The following DACH1 variants were observed in gnomAD, a reference collection of about 807,000 sequenced individuals.
The protein encoded by DACH1 is dachshund family transcription factor 1, also known as dachshund homolog 1.
Under a neutral mutation model 54.2 loss-of-function variants are expected in DACH1, and 12 were observed. The observed-to-expected ratio is 0.22, with a 90% confidence interval of 0.14 to 0.36. The LOEUF is 0.36. Ranked by LOEUF, DACH1 falls within the 10% of genes least tolerant of loss-of-function variation. The pLI is 1.00. For synonymous variants in DACH1, 386 were observed against 366.2 expected (o/e 1.05, Z -0.62); for missense variants, 805 against 929.8 (o/e 0.87, Z 1.75).
intron 1 of DACH1, among the ~76,000 whole-genome samples, chr13:71,778,959 G>C (rs1467345095): frequency 6.6e-6 from 1 of 151,552 alleles, no homozygotes; most frequent in Non-Finnish European, 1.5e-5. Flanking sequence ...AAAGAAAGTT[G>C]CTCCCCTTTT....
At chr13:71,759,423 C>T (rs533173483) in intron 1 of DACH1, among the ~76,000 whole-genome samples, 2 of 152,156 alleles carry the variant, frequency 1.3e-5, no homozygotes, top group Non-Finnish European at 2.9e-5. Flanking sequence ...ATTTTCAAAA[C>T]AAAACATTAG....
At chr13:71,568,246 A>G (rs189167915) in intron 4 of DACH1, among the ~76,000 whole-genome samples, 1 of 152,150 alleles carries the variant, frequency 6.6e-6, no homozygotes, top group East Asian at 1.9e-4. Context: ...AACTGGCTTA[A>G]CAGAATTTTA....
intron 1 of DACH1, among the ~76,000 whole-genome samples, chr13:71,791,293 C>T (rs1886820171): frequency 6.6e-6 from 1 of 152,138 alleles, no homozygotes; most frequent in Admixed American, 6.6e-5. Flanking sequence ...GAAATATTAT[C>T]TTCTGAGGCT....
chr13:71,655,599 G>A (rs952314939), intron 2 of DACH1, among the ~76,000 whole-genome samples: 8 of 151,778 alleles, frequency 5.3e-5, no homozygotes, highest in Admixed American at 1.3e-4. Context: ...TCGAACTCCC[G>A]ACCTCAGGTG....
Position 71,866,413 on chromosome 13 carries a change from GC to G in DACH1, c.356del (p.Gly119AlafsTer75). On this transcript the variant is annotated frameshift_variant, in exon 1 of 11. Coordinates refer to ENST00000613252, the MANE Select transcript of DACH1 (RefSeq NM_080759.6). LOFTEE classifies it high-confidence loss of function. ...AAASNGSGGG[G>X]GGISAGGGVA... ...CGCCGCCGCCAGCGCTGATGCCGCC[GC>G]CGCCGCCGCCGCTGCCGTTGCTCGC... The G allele has an allele frequency of 7.0e-7, 1 of 1,426,728 alleles. No homozygotes were observed. Among genetic ancestry groups the G allele is most frequent in the Non-Finnish European group, 9.2e-7 (1 of 1,083,962 alleles). 88.4% of individuals were successfully genotyped at this position (1,426,728 alleles called of 1,614,324 possible).
At chr13:71,854,412 C>A (rs1873866892) in intron 1 of DACH1, among the ~76,000 whole-genome samples, 1 of 152,042 alleles carries the variant, frequency 6.6e-6, no homozygotes. Flanking sequence ...TTTTGAGTAT[C>A]ATGTACAATT....
chr13:71,638,867 C>T (rs993078821), intron 2 of DACH1, among the ~76,000 whole-genome samples: 5 of 152,164 alleles, frequency 3.3e-5, no homozygotes, highest in Non-Finnish European at 7.4e-5. Context: ...TCATTTAAAA[C>T]TCTCACCGTG....
At chr13:71,464,570 C>A in intron 10 of DACH1, 1 of 429,318 alleles carries the variant, frequency 2.3e-6, no homozygotes, top group Non-Finnish European at 4.6e-6. Context: ...CACAAAATTC[C>A]TTTGAAAGAT....
chr13:71,816,934 G>C (rs1485436009), intron 1 of DACH1, among the ~76,000 whole-genome samples: 1 of 151,988 alleles, frequency 6.6e-6, no homozygotes, highest in Non-Finnish European at 1.5e-5. Context: ...AGGAGGTAGA[G>C]GATCAGGAAG....
At chr13:71,852,266 C>T (rs931877062) in intron 1 of DACH1, among the ~76,000 whole-genome samples, 4 of 152,154 alleles carry the variant, frequency 2.6e-5, no homozygotes, top group African/African-American at 7.2e-5. Context: ...CCTTGCTCTT[C>T]GCGACCACCC....
At chr13:71,512,292 G>A (rs1880834949) in intron 6 of DACH1, among the ~76,000 whole-genome samples, 1 of 151,694 alleles carries the variant, frequency 6.6e-6, no homozygotes, top group Non-Finnish European at 1.5e-5. Flanking sequence ...TCTGCATTAT[G>A]TTCCTCTGCC....
chr13:71,494,711 A>T (rs1186151464), intron 6 of DACH1, among the ~76,000 whole-genome samples: 1 of 151,464 alleles, frequency 6.6e-6, no homozygotes, highest in Non-Finnish European at 1.5e-5. Flanking sequence ...AAAACTACTT[A>T]TTAACATCTT....
At chr13:71,560,078 T>G in intron 4 of DACH1, 123 bp from the exon 5 acceptor site, 1 of 1,119,744 alleles carries the variant, frequency 8.9e-7, no homozygotes, top group Non-Finnish European at 1.2e-6. Context: ...CTTTACTTCA[T>G]CAGCATTTAA....
chr13:71,740,515 A>G lies in DACH1; in HGVS notation c.849-58605T>C, dbSNP rs117854109. Among the ~76,000 whole-genome samples the G allele has an allele frequency of 4.7e-3, 716 of 152,292 alleles. 6 individuals are homozygous for G. The East Asian group carries it at 0.051, about 11-fold the overall frequency. The stretch of plus-strand genomic sequence containing the variant: ...TCAAACCTTGGCCTATGTTCTTTAA[A>G]ACTCCTCAGTAATATATTGATTTAT... On this transcript the variant is annotated intron_variant, in intron 1 of 10. Transcript: ENST00000613252.
chr13:71,709,599 G>C (rs115350116), intron 1 of DACH1, among the ~76,000 whole-genome samples: 3,047 of 152,266 alleles, frequency 0.02, 78 homozygotes, highest in African/African-American at 0.056. Flanking sequence ...TAATAAGGGT[G>C]TGAAAAGGCC....
chr13:71,485,370 C>T (rs1878398127), intron 7 of DACH1, among the ~76,000 whole-genome samples: 1 of 151,186 alleles, frequency 6.6e-6, no homozygotes, highest in African/African-American at 2.4e-5. Context: ...TCCATTATCA[C>T]TTTTAATTTC....
chr13:71,809,363 G>A (rs931361616), intron 1 of DACH1, among the ~76,000 whole-genome samples: 4 of 152,038 alleles, frequency 2.6e-5, no homozygotes, highest in African/African-American at 9.7e-5. Context: ...CAGAGACAGA[G>A]TCTCATCATG....
intron 1 of DACH1, among the ~76,000 whole-genome samples, chr13:71,699,418 G>A (rs76396366): frequency 0.015 from 2,293 of 152,000 alleles, 49 homozygotes; most frequent in East Asian, 0.047. Context: ...CCTTCTTTAG[G>A]CTTCAACAAT....
intron 2 of DACH1, among the ~76,000 whole-genome samples, chr13:71,665,807 T>C (rs1879792914): frequency 6.6e-6 from 1 of 152,104 alleles, no homozygotes; most frequent in Non-Finnish European, 1.5e-5. Flanking sequence ...GCATAAGTGA[T>C]AGTGAAAACA....
Sources: allele counts gnomAD v4.1 joint callset (sites outside exome capture counted in the v4.1 genomes callset), GRCh38; gene constraint gnomAD v4.1.1; transcripts MANE v1.5; gene names NCBI Gene and HGNC (gene_info 2026-07-23, HGNC 2026-07-21).